MBNL2: variants seen among roughly 807,000 people sequenced by gnomAD.
The protein encoded by MBNL2 is muscleblind like splicing regulator 2.
A neutral mutation model predicts 41.9 loss-of-function variants in MBNL2; 17 were observed. That is an observed-to-expected ratio of 0.41 (90% CI 0.28 to 0.61). The LOEUF (loss-of-function observed/expected upper bound fraction) is 0.61. Among genes scored for constraint, MBNL2 ranks in the 20% least tolerant of loss-of-function variants. The pLI is 0.35. For missense variants in MBNL2, 336 were observed against 505.6 expected, an observed-to-expected ratio of 0.66 and a Z score of 3.22; for synonymous variants, 195 against 182.9, an observed-to-expected ratio of 1.07 and a Z score of -0.53.
Position 97,370,143 on chromosome 13 carries a change from C to CA in MBNL2, c.1048+4973dup, listed in dbSNP as rs369167119. ...TTTATGACATGGGTACAATGATCATCATCCCATTTGATAGATGGTAAAACT... is the reference window on the plus strand; with the variant it reads ...TTTATGACATGGGTACAATGATCATCAATCCCATTTGATAGATGGTAAAACT... On this transcript the variant is annotated intron_variant, in intron 8 of 8. Transcript: ENST00000679496. Among the ~76,000 whole-genome samples the CA allele has an allele frequency of 4.0e-3, 604 of 152,272 alleles. 5 individuals are homozygous for CA. The highest frequency in any genetic ancestry group is 0.014 in the African/African-American group (582 of 41,558).
chr13:97,228,675 G>A lies in MBNL2; in HGVS notation c.-605+6144G>A, dbSNP rs369948879. Among the ~76,000 whole-genome samples, 70 of 151,754 alleles carry A rather than the reference G, an allele frequency of 4.6e-4. No individual in the cohort carries two copies. The South Asian group carries it at 0.013, about 29-fold the overall frequency. On this transcript the variant is annotated intron_variant, in intron 1 of 8. Coordinates refer to ENST00000679496, the MANE Select transcript of MBNL2 (RefSeq NM_001382683.1). ...CTCCCAAGTAGCTGGGATCACAGGC[G>A]TGTGTCACCACACCTGGCTAATTTT...
intron 8 of MBNL2, among the ~76,000 whole-genome samples, chr13:97,387,034 T>A (rs893916884): frequency 6.6e-6 from 1 of 151,702 alleles, no homozygotes; most frequent in African/African-American, 2.4e-5. Context: ...GTTCTCCTTT[T>A]AGTGGAAAAA....
the MBNL2 span, among the ~76,000 whole-genome samples, chr13:97,192,424 G>A: frequency 5.3e-5 from 8 of 152,298 alleles, no homozygotes; most frequent in East Asian, 1.4e-3. Flanking sequence ...AGAAGTGAGA[G>A]TGAAGAATTT....
the MBNL2 span, among the ~76,000 whole-genome samples, chr13:97,166,790 A>C: frequency 2.8e-5 from 2 of 71,450 alleles, no homozygotes; most frequent in East Asian, 7.0e-4. Flanking sequence ...CTTGATAGAT[A>C]GATAGATAGA....
At chr13:97,247,931 CT>C (rs2045795167) in intron 1 of MBNL2, among the ~76,000 whole-genome samples, 1 of 152,208 alleles carries the variant, frequency 6.6e-6, no homozygotes, top group South Asian at 2.1e-4. Context: ...ACGACAAACC[CT>C]TCATCACATG....
At chr13:97,204,019 C>T in the MBNL2 span, among the ~76,000 whole-genome samples, 2 of 152,254 alleles carry the variant, frequency 1.3e-5, no homozygotes, top group South Asian at 4.2e-4. Flanking sequence ...AAATACAAAA[C>T]TTGTAATTGC....
chr13:97,334,150 A>C lies in MBNL2; in HGVS notation c.175-126A>C, dbSNP rs1412352668. The C allele has an allele frequency of 1.5e-5, 4 of 274,172 alleles. No individual in the cohort carries two copies. The highest frequency in any genetic ancestry group is 2.4e-5 in the Non-Finnish European group (4 of 169,728). The allele number at this position is 274,172 out of a possible 1,614,324, so 17.0% of individuals were successfully genotyped here. Reference sequence around the variant, plus strand: ...CACATGAGCATGCGCGCGCACACCCACACACACACACACACACACACACAC... The same window carrying C: ...CACATGAGCATGCGCGCGCACACCCCCACACACACACACACACACACACAC... On this transcript the variant is annotated intron_variant, in intron 2 of 8. Coordinates refer to ENST00000679496, the MANE Select transcript of MBNL2 (RefSeq NM_001382683.1). The surrounding 1 kb of genome is among the most constrained non-coding windows in gnomAD (Gnocchi z 5.3).
chr13:97,196,958 T>C, the MBNL2 span, among the ~76,000 whole-genome samples: 1 of 152,214 alleles, frequency 6.6e-6, no homozygotes, highest in East Asian at 1.9e-4. Flanking sequence ...ATTGTTTACA[T>C]AGACCAAGGG....
upstream of MBNL2, among the ~76,000 whole-genome samples, chr13:97,220,283 C>T (rs1010511241): frequency 1.3e-5 from 2 of 152,204 alleles, no homozygotes; most frequent in Admixed American, 1.3e-4. Flanking sequence ...GAAAAATCAA[C>T]TCAGGCAAGC....
intron 8 of MBNL2, among the ~76,000 whole-genome samples, chr13:97,384,044 C>T (rs1268798213): frequency 8.6e-5 from 13 of 151,848 alleles, no homozygotes; most frequent in African/African-American, 3.1e-4. Context: ...GGATTACAGG[C>T]GTGCACCACC....
chr13:97,209,732 C>T, the MBNL2 span, among the ~76,000 whole-genome samples: 1 of 152,054 alleles, frequency 6.6e-6, no homozygotes, highest in Non-Finnish European at 1.5e-5. Context: ...GTTTGATGAA[C>T]TTTTTGTTTG....
At chr13:97,209,384 A>G in the MBNL2 span, among the ~76,000 whole-genome samples, 1 of 152,260 alleles carries the variant, frequency 6.6e-6, no homozygotes, top group African/African-American at 2.4e-5. Flanking sequence ...GGTTCTTTAG[A>G]GACCCAGGAT....
At chr13:97,169,924 A>T in the MBNL2 span, among the ~76,000 whole-genome samples, 2 of 152,198 alleles carry the variant, frequency 1.3e-5, no homozygotes, top group African/African-American at 2.4e-5. Context: ...TCCAAATGTG[A>T]TGGCTTCAAT....
intron 1 of MBNL2, among the ~76,000 whole-genome samples, chr13:97,265,592 A>G (rs2049590739): frequency 6.6e-6 from 1 of 152,088 alleles, no homozygotes; most frequent in African/African-American, 2.4e-5. Flanking sequence ...TTTTACTTAT[A>G]CTTCGTTGAC....
the MBNL2 span, among the ~76,000 whole-genome samples, chr13:97,175,303 G>A: frequency 6.6e-6 from 1 of 152,050 alleles, no homozygotes; most frequent in Non-Finnish European, 1.5e-5. Context: ...CTTCTTCCCC[G>A]TTTATCCTTC....
chr13:97,377,941 T>C (rs974517941), intron 8 of MBNL2, among the ~76,000 whole-genome samples: 1 of 152,198 alleles, frequency 6.6e-6, no homozygotes, highest in Admixed American at 6.5e-5. Flanking sequence ...CCGCTGCTTA[T>C]GTGGAACTTA....
chr13:97,319,640 T>C (rs1333133658), intron 2 of MBNL2, among the ~76,000 whole-genome samples: 1 of 152,214 alleles, frequency 6.6e-6, no homozygotes, highest in Non-Finnish European at 1.5e-5. Context: ...TTGACTTCCA[T>C]CCTGCTAGAC....
intron 2 of MBNL2, among the ~76,000 whole-genome samples, chr13:97,333,934 GAAAGAAAGA>G (rs1366908775): frequency 9.2e-6 from 1 of 108,586 alleles, no homozygotes; most frequent in Non-Finnish European, 1.7e-5. Context: ...AGAAAGGAAA[GAAAGAAAGA>G]AAAGAAAGAA....
Position 97,383,739 on chromosome 13 carries a change from G to A in MBNL2, c.1049-7583G>A, listed in dbSNP as rs1290758639. Among the ~76,000 whole-genome samples, 12 of 152,226 alleles carry A rather than the reference G, an allele frequency of 7.9e-5. 1 individual carries two copies. The South Asian group carries it at 2.5e-3, about 32-fold the overall frequency. ...TTGATAATTTTTCCCCAGGACCTCAGTGTATGCCTTTTCTGTGCAAATAAA... is the reference window on the plus strand; with the variant it reads ...TTGATAATTTTTCCCCAGGACCTCAATGTATGCCTTTTCTGTGCAAATAAA... On this transcript the variant is annotated intron_variant, in intron 8 of 8. Transcript: ENST00000679496.
Sources: gnomAD v4.1 joint callset for allele counts (sites outside exome capture counted in the v4.1 genomes callset) on GRCh38, gnomAD v4.1.1 for gene constraint, Gnocchi (gnomAD v3.1) non-coding constraint, MANE v1.5 for transcripts, NCBI Gene and HGNC (gene_info 2026-07-23, HGNC 2026-07-21) for gene names.